The following TACC2 variants were observed in gnomAD, a reference collection of about 807,000 sequenced individuals.
The protein encoded by TACC2 is transforming acidic coiled-coil containing protein 2, also known as transforming acidic coiled-coil-containing protein 2.
In TACC2, 137 loss-of-function variants were observed where a neutral mutation model predicts 227.3. The observed-to-expected ratio is 0.60, with a 90% CI of 0.52 to 0.69. The LOEUF (loss-of-function observed/expected upper bound fraction) is 0.69, where lower values mean the gene tolerates loss of function less well. Among genes scored for constraint, TACC2 ranks in the 30% least tolerant of loss-of-function variants. TACC2 has a pLI of 0.00. For synonymous variants in TACC2, 1,523 were observed against 1,487.5 expected, an observed-to-expected ratio of 1.02 and a Z score of -0.55; for missense variants, 3,470 against 3,694.4, an observed-to-expected ratio of 0.94 and a Z score of 1.57.
chr10:122,170,505 T>G (rs1446865235), intron 7 of TACC2, among the ~76,000 whole-genome samples: 1 of 152,068 alleles, frequency 6.6e-6, no homozygotes, highest in Non-Finnish European at 1.5e-5. Flanking sequence ...TTTCATCATG[T>G]TGGCCAGGCT....
At chr10:122,027,144 G>A (rs1040066865) in intron 2 of TACC2, among the ~76,000 whole-genome samples, 1 of 152,088 alleles carries the variant, frequency 6.6e-6, no homozygotes, top group Non-Finnish European at 1.5e-5. Context: ...TCTGGATTTT[G>A]GGTCATTCTG....
chr10:121,995,282 G>A (rs1054000574), intron 1 of TACC2, among the ~76,000 whole-genome samples: 1 of 152,226 alleles, frequency 6.6e-6, no homozygotes, highest in African/African-American at 2.4e-5. Context: ...TTGACTTGGT[G>A]TCAGTTATAA....
intron 8 of TACC2, among the ~76,000 whole-genome samples, chr10:122,199,443 A>G (rs1456057676): frequency 6.6e-6 from 1 of 152,200 alleles, no homozygotes; most frequent in Non-Finnish European, 1.5e-5. Context: ...CAAAGAGGCC[A>G]TACGTGGGTG....
intron 1 of TACC2, among the ~76,000 whole-genome samples, chr10:122,011,486 C>T (rs12571840): frequency 0.36 from 55,250 of 151,838 alleles, 10,474 homozygotes; most frequent in South Asian, 0.58. Flanking sequence ...CACGCCACCA[C>T]GCCCAGCTAA....
chr10:122,121,304 A>G (rs1405345039), intron 5 of TACC2, among the ~76,000 whole-genome samples: 2 of 152,214 alleles, frequency 1.3e-5, no homozygotes, highest in Non-Finnish European at 2.9e-5. Context: ...CTTGCTACAG[A>G]AACATTCGCA....
At chr10:122,248,871 G>C in intron 20 of TACC2, 68 bp downstream of exon 20, 1 of 1,596,906 alleles carries the variant, frequency 6.3e-7, no homozygotes, top group Non-Finnish European at 8.6e-7. Flanking sequence ...AGCACTGGGA[G>C]GGGGTAGGAT....
chr10:122,094,516 C>G (rs1197697604), intron 5 of TACC2, among the ~76,000 whole-genome samples: 1 of 152,186 alleles, frequency 6.6e-6, no homozygotes, highest in African/African-American at 2.4e-5. Flanking sequence ...CAGCCTCAAA[C>G]AATCCTCCCA....
At position 122,249,138 on chromosome 10, in the gene TACC2, C is replaced by T. The variant is rs779013734; in HGVS notation, c.8642C>T (p.Ala2881Val). 27 of 1,611,334 alleles carry T rather than the reference C, an allele frequency of 1.7e-5. No individual in the cohort carries two copies. The highest frequency in any genetic ancestry group is 2.2e-5 in the Non-Finnish European group (26 of 1,179,268). Residue 2881 changes from alanine (A) to valine (V), a missense_variant, in exon 21 of 23, where the codon GCG becomes GTG. Physicochemically the swap from Ala to Val is moderately conservative, Grantham distance 64. Around this residue, in one of 10 missense-constraint regions of TACC2, gnomAD observed 89 missense variants for 91.4 expected, o/e 0.97. Coordinates refer to ENST00000369005, the MANE Select transcript of TACC2 (RefSeq NM_206862.4). ...AGGTACCAGGCCCTGAAGGTGCACG[C>T]GGAGGAGAAACTGGACAGGTAACAT... ...EQRYQALKVH[A>V]EEKLDRANAE...
At chr10:122,115,565 C>T (rs953684125) in intron 5 of TACC2, among the ~76,000 whole-genome samples, 2 of 152,118 alleles carry the variant, frequency 1.3e-5, no homozygotes, top group Admixed American at 6.5e-5. Flanking sequence ...CACCCCAATG[C>T]CAATAGCATC....
intron 2 of TACC2, among the ~76,000 whole-genome samples, chr10:122,041,439 T>C (rs1403578237): frequency 8.8e-6 from 1 of 113,526 alleles, no homozygotes; most frequent in African/African-American, 2.9e-5. Flanking sequence ...AGAGTTTCCT[T>C]TCTTTTTTTT....
In TACC2 at chr10:122,084,182, G is replaced by A. The variant is rs762673854; in HGVS notation, c.1682G>A (p.Ser561Asn). The change falls in exon 4 of 23, where the codon AGC becomes AAC. Residue 561 changes from serine to asparagine, a missense_variant. Ser to Asn is a conservative substitution (Grantham distance 46). This residue lies in a region of TACC2 where 1,924 missense variants were observed against 1,978.3 expected (regional missense o/e 0.97). Coordinates refer to ENST00000369005, the MANE Select transcript of TACC2 (RefSeq NM_206862.4). ...DGAKVHEDST[S>N]PAVAKEGSRS... ...GCCAAGGTCCATGAAGATTCCACAA[G>A]CCCAGCCGTGGCTAAAGAAGGAAGC... 4 of 1,613,962 alleles carry A rather than the reference G, an allele frequency of 2.5e-6. No individual in the cohort carries two copies. In the African/African-American group the frequency reaches 5.3e-5, roughly 22 times the overall value.
chr10:122,229,371 C>T lies in TACC2; in HGVS notation c.7922C>T (p.Ser2641Phe). 1 of 1,614,098 alleles carries T rather than the reference C, an allele frequency of 6.2e-7. No homozygotes were observed. Among genetic ancestry groups the T allele is most frequent in the Non-Finnish European group, 8.5e-7 (1 of 1,180,034 alleles). ...ACAGCTCCCGAGGGCTCCTTTGCCT[C>T]TGCTGACGCCCTCCTCAGCAGGCTA... Reference protein sequence around the residue: ...EITAPEGSFASADALLSRLAH... With the variant: ...EITAPEGSFAFADALLSRLAH... The change falls in exon 15 of 23, where the codon TCT (serine) becomes TTT (phenylalanine). Residue 2641 changes from serine to phenylalanine, a missense_variant. This residue lies in a region of TACC2 where 345 missense variants were observed against 354.4 expected (regional missense o/e 0.97). Coordinates refer to ENST00000369005, the MANE Select transcript of TACC2 (RefSeq NM_206862.4).
rs1036421268 is a variant in TACC2 at position 122,054,448 on chromosome 10, C to T, written c.146+3898C>T. 5.3e-5 allele frequency among the ~76,000 whole-genome samples: 8 copies of T among 152,322 alleles called. No homozygotes were observed. In the East Asian group the frequency reaches 9.6e-4, roughly 18 times the overall value. On this transcript the variant is annotated intron_variant, in intron 3 of 22. Coordinates refer to ENST00000369005, the MANE Select transcript of TACC2 (RefSeq NM_206862.4). ...TAGCAGTCTGGACTGGTCCCTGGTCCGCCCTTCTTGGATATCATCAACCAG... is the reference window on the plus strand; with the variant it reads ...TAGCAGTCTGGACTGGTCCCTGGTCTGCCCTTCTTGGATATCATCAACCAG...
intron 8 of TACC2, among the ~76,000 whole-genome samples, chr10:122,201,167 C>T (rs1431211583): frequency 2.2e-5 from 3 of 136,846 alleles, no homozygotes; most frequent in African/African-American, 8.3e-5. Context: ...AGAGGACGGC[C>T]ACCTCACCTG....
rs1395976917 is a variant in TACC2, at chr10:122,166,546, C to T, written c.5834+22840C>T. On this transcript the variant is annotated intron_variant, in intron 7 of 22. Transcript: ENST00000369005. ...AAATGGTGACCAGTCTCTTGCTACT[C>T]CCAGGGTCGGCCACACATGACAGCA... 2.0e-5 allele frequency among the ~76,000 whole-genome samples: 3 copies of T among 152,164 alleles called. No homozygotes were observed. In the East Asian group the frequency reaches 5.8e-4, roughly 29 times the overall value.
chr10:122,235,993 A>T (rs147758296), intron 16 of TACC2, among the ~76,000 whole-genome samples: 1 of 152,102 alleles, frequency 6.6e-6, no homozygotes, highest in South Asian at 2.1e-4. Context: ...TTCCAGGACA[A>T]CCGAAACTAT....
chr10:122,088,427 A>T, intron 4 of TACC2, 51 bp from the exon 5 acceptor site: 1 of 1,489,478 alleles, frequency 6.7e-7, no homozygotes, highest in Non-Finnish European at 9.0e-7. Flanking sequence ...ATGAGGAGAA[A>T]TGCCTTACTA....
At chr10:122,080,650 A>G (rs2079368800) in intron 3 of TACC2, among the ~76,000 whole-genome samples, 1 of 152,150 alleles carries the variant, frequency 6.6e-6, no homozygotes, top group Non-Finnish European at 1.5e-5. Flanking sequence ...CACATTGGGG[A>G]TTAGGGCTTC....
chr10:122,175,515 T>C (rs2093656135), intron 7 of TACC2, among the ~76,000 whole-genome samples: 1 of 152,202 alleles, frequency 6.6e-6, no homozygotes, highest in Non-Finnish European at 1.5e-5. Context: ...ACTCCTTGGG[T>C]TCACATATTG....
Sources: allele counts gnomAD v4.1 joint callset (sites outside exome capture counted in the v4.1 genomes callset), GRCh38; gene constraint gnomAD v4.1.1; regional missense constraint gnomAD v4.1.1; transcripts MANE v1.5; gene names NCBI Gene and HGNC (gene_info 2026-07-23, HGNC 2026-07-21).